The following MBNL1 variants were observed in gnomAD, a reference collection of about 807,000 sequenced individuals.
MBNL1 encodes muscleblind-like protein 1.
In MBNL1, 8 loss-of-function variants were observed where a neutral mutation model predicts 42.2. The observed-to-expected ratio is 0.19, with a 90% CI of 0.11 to 0.34. The LOEUF is 0.34. MBNL1 is among the 10% of genes least tolerant of loss of function. The pLI, the probability that MBNL1 is intolerant of heterozygous loss-of-function variation, is 1.00. For synonymous variants in MBNL1, 169 were observed against 173.9 expected (o/e 0.97, Z 0.22); for missense variants, 309 against 495.3 (o/e 0.62, Z 3.57).
At chr3:152,368,209 A>G (rs1282713477) in intron 2 of MBNL1, among the ~76,000 whole-genome samples, 1 of 152,172 alleles carries the variant, frequency 6.6e-6, no homozygotes, top group African/African-American at 2.4e-5. Context: ...GAAGGGGTCC[A>G]GTTTCAGTTT....
At chr3:152,389,921 G>T (rs1442037772) in intron 2 of MBNL1, among the ~76,000 whole-genome samples, 2 of 151,732 alleles carry the variant, frequency 1.3e-5, no homozygotes, top group African/African-American at 4.8e-5. Context: ...TGTTGCCCAG[G>T]CTGGACTGCA....
In MBNL1 at chr3:152,299,496, G is replaced by A. The variant is rs2151468571; in HGVS notation, c.-698G>A. On this transcript the variant is annotated 5_prime_UTR_variant, in exon 2 of 10. Coordinates refer to ENST00000324210, the MANE Select transcript of MBNL1 (RefSeq NM_021038.5). ...CTTTTGCCTTGCTTGCTGCCAGCTAGACTGTGACGACAGCACATCCACCCT... is the reference window on the plus strand; with the variant it reads ...CTTTTGCCTTGCTTGCTGCCAGCTAAACTGTGACGACAGCACATCCACCCT... The A allele has an allele frequency of 2.6e-6, 1 of 388,620 alleles. No individual in the cohort carries two copies. Among genetic ancestry groups the A allele is most frequent in the South Asian group, 1.4e-4 (1 of 6,928 alleles). 24.1% of individuals were successfully genotyped at this position (388,620 alleles called of 1,614,324 possible).
exon 1 of MBNL1, chr3:152,243,928 C>A (rs2149329919): frequency 6.6e-6 from 1 of 152,510 alleles, no homozygotes; most frequent in African/African-American, 2.4e-5. Context: ...GCCTCAGTCT[C>A]CTGAGTAAGT....
intron 2 of MBNL1, among the ~76,000 whole-genome samples, chr3:152,261,895 T>C (rs1232362964): frequency 1.3e-5 from 2 of 152,238 alleles, no homozygotes; most frequent in Non-Finnish European, 2.9e-5. Flanking sequence ...ATTTGCCAGC[T>C]GCTTGGGAGT....
intron 8 of MBNL1, chr3:152,458,216 T>G (rs1292186260): frequency 1.9e-6 from 3 of 1,610,398 alleles, no homozygotes; most frequent in Non-Finnish European, 2.5e-6. Context: ...TCATTATGCT[T>G]GGAGCACATT....
At position 152,303,434 on chromosome 3, in the gene MBNL1, C is replaced by T. The variant is rs530413005; in HGVS notation, c.174+3067C>T. On this transcript the variant is annotated intron_variant, in intron 2 of 9. Coordinates refer to ENST00000324210, the MANE Select transcript of MBNL1 (RefSeq NM_021038.5). ...TTCAAGCTGAGACTTAAATTGCTTACGTGCTATAGATTTAGGTGTATTAGC... is the reference window on the plus strand; with the variant it reads ...TTCAAGCTGAGACTTAAATTGCTTATGTGCTATAGATTTAGGTGTATTAGC... Among the ~76,000 whole-genome samples the T allele has an allele frequency of 3.3e-5, 5 of 152,178 alleles. No individual in the cohort carries two copies. In the East Asian group the frequency reaches 5.8e-4, roughly 18 times the overall value.
chr3:152,424,563 G>GAAAA (rs560245855), intron 3 of MBNL1, among the ~76,000 whole-genome samples: 1 of 134,166 alleles, frequency 7.5e-6, no homozygotes. Context: ...CACAGAATTA[G>GAAAA]AAAAAAAAAA....
At chr3:152,323,607 G>A (rs1476022139) in intron 2 of MBNL1, among the ~76,000 whole-genome samples, 3 of 151,970 alleles carry the variant, frequency 2.0e-5, no homozygotes, top group Admixed American at 6.6e-5. Context: ...TGTATAGTAC[G>A]GCCTATTGCT....
At position 152,445,597 on chromosome 3, in the gene MBNL1, T is replaced by C. The variant is rs1580642801; in HGVS notation, c.807+58T>C. On this transcript the variant is annotated intron_variant, in intron 5 of 9. Coordinates refer to ENST00000324210, the MANE Select transcript of MBNL1 (RefSeq NM_021038.5). ...CAGTCAGAAAAGCAAAGTGAGCAAC[T>C]ATATCTGACTACAAGCTATTCATTT... 2.6e-6 allele frequency: 4 copies of C among 1,517,470 alleles called. No individual in the cohort carries two copies. In the East Asian group the frequency reaches 9.1e-5, roughly 35 times the overall value. 94.0% of individuals were successfully genotyped at this position (1,517,470 alleles called of 1,614,324 possible).
chr3:152,322,138 C>A (rs1008316822), intron 2 of MBNL1, among the ~76,000 whole-genome samples: 1 of 152,026 alleles, frequency 6.6e-6, no homozygotes, highest in Non-Finnish European at 1.5e-5. Flanking sequence ...CTGTCATACT[C>A]CTAATATAGA....
At chr3:152,249,846 G>A (rs1323457142) in intron 2 of MBNL1, among the ~76,000 whole-genome samples, 1 of 148,162 alleles carries the variant, frequency 6.7e-6, no homozygotes, top group Non-Finnish European at 1.5e-5. Flanking sequence ...TGGCTAGCCA[G>A]TTTTCCTAGC....
At chr3:152,301,037 A>G (rs113683029) in intron 2 of MBNL1, 30 of 401,336 alleles carry the variant, frequency 7.5e-5, no homozygotes, top group African/African-American at 6.1e-4. Context: ...TCCAGCTTCA[A>G]AAATTCTAAT....
intron 2 of MBNL1, among the ~76,000 whole-genome samples, chr3:152,397,129 C>T (rs2097993167): frequency 6.6e-6 from 1 of 152,036 alleles, no homozygotes; most frequent in African/African-American, 2.4e-5. Flanking sequence ...GAAAGTTTCC[C>T]CAGCTTAAAA....
Position 152,456,271 on chromosome 3 carries a change from C to T in MBNL1, c.1002C>T (p.Pro334=). The T allele has an allele frequency of 6.2e-7, 1 of 1,612,426 alleles. No homozygotes were observed. The highest frequency in any genetic ancestry group is 2.2e-5 in the East Asian group (1 of 44,870). Residue 334 remains proline, a synonymous_variant, in exon 8 of 10, where the codon CCC becomes CCT. Coordinates refer to ENST00000324210, the MANE Select transcript of MBNL1 (RefSeq NM_021038.5). The part of the protein sequence containing the change: ...LCMTPATSVV[P]MVHGATPATV... ...ATATGATTTTCCCTCCGAAAGTTCC[C>T]ATGGTGCACGGTGCTACGCCAGCCA...
intron 2 of MBNL1, among the ~76,000 whole-genome samples, chr3:152,408,360 A>G (rs2098484512): frequency 6.6e-6 from 1 of 152,172 alleles, no homozygotes; most frequent in East Asian, 1.9e-4. Context: ...AATGTAATGT[A>G]TCTGTTATAA....
At chr3:152,303,719 T>C (rs1036007661) in intron 2 of MBNL1, among the ~76,000 whole-genome samples, 9 of 152,076 alleles carry the variant, frequency 5.9e-5, no homozygotes, top group Non-Finnish European at 1.2e-4. Context: ...TGCCAAGTTA[T>C]TTATACCCTC....
chr3:152,350,089 G>A (rs1160288720), intron 2 of MBNL1, among the ~76,000 whole-genome samples: 2 of 152,032 alleles, frequency 1.3e-5, no homozygotes, highest in Admixed American at 1.3e-4. Context: ...GACAAACCTT[G>A]GCGCATCTCT....
At chr3:152,379,861 T>A (rs907757833) in intron 2 of MBNL1, among the ~76,000 whole-genome samples, 1 of 152,156 alleles carries the variant, frequency 6.6e-6, no homozygotes, top group East Asian at 1.9e-4. Context: ...TGAGATAGAC[T>A]AATTTCCTTG....
intron 2 of MBNL1, among the ~76,000 whole-genome samples, chr3:152,262,327 CT>C (rs763295725): frequency 2.4e-4 from 36 of 152,018 alleles, no homozygotes; most frequent in Non-Finnish European, 3.8e-4. Flanking sequence ...AAATGTTGTT[CT>C]TATTCAAAGG....
Sources: allele counts gnomAD v4.1 joint callset (sites outside exome capture counted in the v4.1 genomes callset), GRCh38; gene constraint gnomAD v4.1.1; transcripts MANE v1.5; gene names NCBI Gene and HGNC (gene_info 2026-07-23, HGNC 2026-07-21).